Variants in DAB1 observed in about 807,000 individuals in gnomAD.
DAB1 encodes the protein DAB adaptor protein 1.
A neutral mutation model predicts 64.6 loss-of-function variants in DAB1; 15 were observed. The ratio of observed to expected loss-of-function variants is 0.23; its 90% CI spans 0.16 to 0.36. DAB1 has a LOEUF of 0.36. Ranked by LOEUF, DAB1 falls within the 10% of genes least tolerant of loss-of-function variation. The pLI is 1.00. For missense variants in DAB1, 596 were observed against 706.7 expected, an observed-to-expected ratio of 0.84 and a Z score of 1.78; for synonymous variants, 235 against 251.9, an observed-to-expected ratio of 0.93 and a Z score of 0.64.
chr1:58,043,676 A>T (rs951389524), intron 5 of DAB1, among the ~76,000 whole-genome samples: 4 of 152,170 alleles, frequency 2.6e-5, no homozygotes, highest in Admixed American at 2.6e-4. Flanking sequence ...TGAGATCACT[A>T]TTGTGCCATG....
chr1:57,513,910 C>T (rs879444035), intron 7 of DAB1, among the ~76,000 whole-genome samples: 7 of 152,064 alleles, frequency 4.6e-5, no homozygotes, highest in Admixed American at 3.3e-4. Flanking sequence ...AAAAGTTCCA[C>T]TTTTTTTAGG....
At chr1:57,247,614 T>C (rs1354659941) in intron 2 of DAB1, among the ~76,000 whole-genome samples, 1 of 152,242 alleles carries the variant, frequency 6.6e-6, no homozygotes, top group Non-Finnish European at 1.5e-5. Context: ...TGGAAGAGAC[T>C]GTAGGATGTT....
intron 1 of DAB1, among the ~76,000 whole-genome samples, chr1:57,373,705 C>T (rs1680676610): frequency 6.6e-6 from 1 of 152,140 alleles, no homozygotes; most frequent in Admixed American, 6.5e-5. Context: ...GAAAAGAAAT[C>T]AGCAGTCGCA....
At chr1:57,397,741 A>G (rs1323876297) in intron 1 of DAB1, among the ~76,000 whole-genome samples, 1 of 152,242 alleles carries the variant, frequency 6.6e-6, no homozygotes, top group African/African-American at 2.4e-5. Context: ...TGAGTAGCCT[A>G]CTGATGACAT....
chr1:57,677,696 C>T (rs1216633305), intron 6 of DAB1, among the ~76,000 whole-genome samples: 1 of 152,186 alleles, frequency 6.6e-6, no homozygotes, highest in Non-Finnish European at 1.5e-5. Context: ...GAGATATTCA[C>T]TGCAATTATT....
At chr1:57,429,926 C>T (rs1477235213) in intron 7 of DAB1, among the ~76,000 whole-genome samples, 1 of 151,864 alleles carries the variant, frequency 6.6e-6, no homozygotes, top group East Asian at 1.9e-4. Context: ...TAGTATGATG[C>T]CTCTGGGTTG....
chr1:58,190,481 T>C lies in DAB1; in HGVS notation n.310-39893A>G, dbSNP rs1184981763. Among the ~76,000 whole-genome samples, 4 of 152,292 alleles carry C rather than the reference T, an allele frequency of 2.6e-5. No individual in the cohort carries two copies. The South Asian group carries it at 6.2e-4, about 24-fold the overall frequency. The stretch of plus-strand genomic sequence containing the variant: ...TCATGCTAGCAGTCTGTCATGCACA[T>C]TGTGTGGATGTTGGCCACGGGTTCT... On this transcript the variant is annotated intron_variant and non_coding_transcript_variant, in intron 4 of 20. Coordinates refer to the DAB1 transcript ENST00000485760.
Position 58,197,843 on chromosome 1 carries a change from C to A in DAB1, n.310-47255G>T, listed in dbSNP as rs184255315. Among the ~76,000 whole-genome samples, 404 of 152,114 alleles carry A rather than the reference C, an allele frequency of 2.7e-3. 2 individuals carry two copies. Among genetic ancestry groups the A allele is most frequent in the Non-Finnish European group, 4.4e-3 (297 of 68,014 alleles). ...AGCTTCTGAGAAAATAATTGTCAAG[C>A]AAACTCTCACTTGGAAATTGAGCCC... On this transcript the variant is annotated intron_variant and non_coding_transcript_variant, in intron 4 of 20. Transcript: ENST00000485760.
At position 57,150,379 on chromosome 1, in the gene DAB1, A is replaced by G. The variant is rs573151113; in HGVS notation, c.68-4950T>C. 2.0e-5 allele frequency among the ~76,000 whole-genome samples: 3 copies of G among 152,280 alleles called. No individual in the cohort carries two copies. In the South Asian group the frequency reaches 6.2e-4, roughly 32 times the overall value. ...CCCTCATTATTCTCAAAAGTATTCC[A>G]GTTTGGTTAAGAGACTGTGTGGTTA... On this transcript the variant is annotated intron_variant, in intron 2 of 14. Transcript: ENST00000371236.
chr1:57,685,913 G>A (rs1237323804), intron 6 of DAB1, among the ~76,000 whole-genome samples: 1 of 152,140 alleles, frequency 6.6e-6, no homozygotes, highest in African/African-American at 2.4e-5. Context: ...CTAAAGCAGT[G>A]TTAAGAGGAA....
At chr1:58,150,104 AGT>A (rs964567959) in intron 5 of DAB1, among the ~76,000 whole-genome samples, 1 of 152,220 alleles carries the variant, frequency 6.6e-6, no homozygotes, top group Non-Finnish European at 1.5e-5. Context: ...CTGCAAAATA[AGT>A]GTTAGTATTC....
chr1:58,390,221 C>T (rs1644465170), intron 3 of DAB1, among the ~76,000 whole-genome samples: 1 of 152,118 alleles, frequency 6.6e-6, no homozygotes, highest in Non-Finnish European at 1.5e-5. Flanking sequence ...GACACACACA[C>T]ATACCCCACC....
At chr1:57,187,898 G>C (rs1663741360) in intron 2 of DAB1, among the ~76,000 whole-genome samples, 1 of 152,082 alleles carries the variant, frequency 6.6e-6, no homozygotes, top group African/African-American at 2.4e-5. Flanking sequence ...CAAGGAGAGA[G>C]AGACCCCGCA....
At chr1:58,261,708 TTTTTTG>T (rs150081832) in intron 4 of DAB1, among the ~76,000 whole-genome samples, 4,680 of 152,084 alleles carry the variant, frequency 0.031, 250 homozygotes, top group African/African-American at 0.11. Context: ...ATCAATTTGT[TTTTTTG>T]TTTTTGTTTT....
intron 3 of DAB1, among the ~76,000 whole-genome samples, chr1:58,498,959 C>T (rs1645850680): frequency 6.6e-6 from 1 of 151,996 alleles, no homozygotes; most frequent in African/African-American, 2.4e-5. Context: ...GCCACCTTGA[C>T]ATAGGACAAT....
chr1:58,143,284 AG>A (rs1423126096), intron 5 of DAB1, among the ~76,000 whole-genome samples: 1 of 152,208 alleles, frequency 6.6e-6, no homozygotes, highest in East Asian at 1.9e-4. Flanking sequence ...AGAGTGGAAA[AG>A]AAGATGCCTA....
chr1:58,367,337 T>C (rs982008878), intron 3 of DAB1, among the ~76,000 whole-genome samples: 2 of 152,168 alleles, frequency 1.3e-5, no homozygotes, highest in African/African-American at 4.8e-5. Context: ...CCATAGAAAA[T>C]GCCCCAGCCA....
chr1:57,299,257 T>A (rs1288783472), intron 1 of DAB1, among the ~76,000 whole-genome samples: 1 of 152,202 alleles, frequency 6.6e-6, no homozygotes, highest in Non-Finnish European at 1.5e-5. Context: ...AACAAACTAA[T>A]CTTTTTTATC....
At chr1:58,241,382 T>C (rs1415532700) in intron 4 of DAB1, among the ~76,000 whole-genome samples, 2 of 151,800 alleles carry the variant, frequency 1.3e-5, no homozygotes, top group East Asian at 3.9e-4. Context: ...ATTTGGATAG[T>C]CAGGGTTAGA....
Sources: gnomAD v4.1 joint callset for allele counts (sites outside exome capture counted in the v4.1 genomes callset) on GRCh38, gnomAD v4.1.1 for gene constraint, MANE v1.5 for transcripts, NCBI Gene and HGNC (gene_info 2026-07-23, HGNC 2026-07-21) for gene names.